The following UBE2V1 variants were observed in gnomAD, a reference collection of about 807,000 sequenced individuals.
The protein encoded by UBE2V1 is ubiquitin conjugating enzyme E2 V1.
A neutral mutation model predicts 19.6 loss-of-function variants in UBE2V1; 15 were observed. That is an observed-to-expected ratio of 0.77 (90% CI 0.51 to 1.18). UBE2V1 has a LOEUF of 1.18. UBE2V1 is among the 50% of genes most tolerant of loss of function. UBE2V1 has a pLI of 0.00. For synonymous variants in UBE2V1, 60 were observed against 60.7 expected (o/e 0.99, Z 0.05); for missense variants, 125 against 184.8 (o/e 0.68, Z 1.88).
chr20:50,105,363 T>G (rs1274517384), intron 1 of UBE2V1, among the ~76,000 whole-genome samples: 1 of 152,216 alleles, frequency 6.6e-6, no homozygotes, highest in African/African-American at 2.4e-5. Context: ...GATGTATCAG[T>G]GACAAGCGAA....
chr20:50,083,051 A>C, intron 3 of UBE2V1, 137 bp from the exon 4 acceptor site: 1 of 1,375,478 alleles, frequency 7.3e-7, no homozygotes, highest in Non-Finnish European at 9.7e-7. Flanking sequence ...AATACCTTAC[A>C]TGCGGAATAC....
rs748307566 is a variant in UBE2V1 at position 50,113,150 on chromosome 20, G to A, written c.-22C>T. The A allele has an allele frequency of 1.5e-6, 2 of 1,334,094 alleles. No homozygotes were observed. Among genetic ancestry groups the A allele is most frequent in the Non-Finnish European group, 9.7e-7 (1 of 1,029,180 alleles). The allele number at this position is 1,334,094 out of a possible 1,614,324, so 82.6% of individuals were successfully genotyped here. A position where few individuals can be genotyped will look rare whatever the true frequency, so the allele number is the denominator to read the frequency against. On this transcript the variant is annotated 5_prime_UTR_variant, in exon 1 of 4. Coordinates refer to ENST00000371674, the MANE Select transcript of UBE2V1 (RefSeq NM_001032288.3). ...CCATCTTGCGTCGCTCTTGCTTGAA[G>A]GCCGGCCCCTTCTTCACCCCCCCCT...
intron 1 of UBE2V1, among the ~76,000 whole-genome samples, chr20:50,109,491 C>T (rs1179682126): frequency 6.6e-6 from 1 of 152,126 alleles, no homozygotes; most frequent in Non-Finnish European, 1.5e-5. Context: ...TGACTTACGC[C>T]TGTAATCCCA....
At chr20:50,084,753 A>T (rs1383686212) in intron 2 of UBE2V1, 1 of 360,026 alleles carries the variant, frequency 2.8e-6, no homozygotes, top group East Asian at 7.4e-5. Flanking sequence ...CTTCTCCATC[A>T]CTCCGGGGTT....
intron 2 of UBE2V1, 193 bp from the exon 3 acceptor site, chr20:50,084,447 G>A: frequency 1.0e-6 from 1 of 990,288 alleles, no homozygotes; most frequent in Non-Finnish European, 1.5e-6. Context: ...CCGGGCCTTG[G>A]GGGAATACAA....
In UBE2V1 at chr20:50,098,130, G is replaced by T. The variant is rs138505505; in HGVS notation, c.23-1310C>A. On this transcript the variant is annotated intron_variant, in intron 1 of 3. Transcript: ENST00000371674. ...TTAAATGGAGGGATAAAGGAAAAGT[G>T]TTATTGCAATCAGGTGTCATAACTA... 2.7e-3 allele frequency among the ~76,000 whole-genome samples: 411 copies of T among 152,280 alleles called. 6 individuals are homozygous for T. Among genetic ancestry groups the T allele is most frequent in the African/African-American group, 8.8e-3 (366 of 41,540 alleles).
At chr20:50,101,125 G>A (rs1429424787) in intron 1 of UBE2V1, among the ~76,000 whole-genome samples, 1 of 152,200 alleles carries the variant, frequency 6.6e-6, no homozygotes, top group Non-Finnish European at 1.5e-5. Flanking sequence ...AACAGGAATT[G>A]AGACCCACAG....
At chr20:50,097,567 A>G (rs2079707231) in intron 1 of UBE2V1, among the ~76,000 whole-genome samples, 1 of 152,142 alleles carries the variant, frequency 6.6e-6, no homozygotes, top group Non-Finnish European at 1.5e-5. Flanking sequence ...GGGGCCAGAC[A>G]AGGGAGGGGG....
At chr20:50,087,320 T>C (rs897420676) in intron 2 of UBE2V1, among the ~76,000 whole-genome samples, 3 of 138,796 alleles carry the variant, frequency 2.2e-5, no homozygotes, top group African/African-American at 5.5e-5. Flanking sequence ...TGCTTAAACC[T>C]GGGAGGTGGA....
At chr20:50,084,043 A>C (rs1013660051) in intron 3 of UBE2V1, 86 bp downstream of exon 3, 206 of 1,425,810 alleles carry the variant, frequency 1.4e-4, no homozygotes, top group Middle Eastern at 5.4e-4. Flanking sequence ...GAACCTAGGA[A>C]TTGGGCCCAG....
intron 1 of UBE2V1, among the ~76,000 whole-genome samples, chr20:50,110,174 G>A (rs1193950670): frequency 5.9e-5 from 9 of 152,254 alleles, no homozygotes; most frequent in Non-Finnish European, 1.0e-4. Context: ...TGCTGAGTGA[G>A]AGGAAGGGCC....
intron 2 of UBE2V1, among the ~76,000 whole-genome samples, chr20:50,087,393 CAAAA>C (rs10716682): frequency 3.0e-5 from 3 of 101,390 alleles, no homozygotes; most frequent in Admixed American, 1.1e-4. Flanking sequence ...GACACTTTGT[CAAAA>C]AAAAAAAAAA....
At chr20:50,091,409 G>GTT (rs1568981475) in intron 2 of UBE2V1, among the ~76,000 whole-genome samples, 3 of 128,250 alleles carry the variant, frequency 2.3e-5, no homozygotes, top group African/African-American at 1.0e-4. Context: ...ATAACTTAAG[G>GTT]CTTTTTTTTT....
At chr20:50,094,713 A>T (rs1444485890) in intron 2 of UBE2V1, among the ~76,000 whole-genome samples, 2 of 142,062 alleles carry the variant, frequency 1.4e-5, no homozygotes, top group Non-Finnish European at 3.1e-5. Context: ...ATGATTGTCA[A>T]AGATGGGAAA....
chr20:50,112,202 C>T (rs1188666942), intron 1 of UBE2V1, among the ~76,000 whole-genome samples: 1 of 152,196 alleles, frequency 6.6e-6, no homozygotes. Context: ...CGGAACCCGA[C>T]CTTTTCCACT....
At chr20:50,111,514 G>C in intron 1 of UBE2V1, 3 of 1,000,328 alleles carry the variant, frequency 3.0e-6, no homozygotes, top group Non-Finnish European at 3.6e-6. Context: ...TCTTCTGGGA[G>C]TGCCTGGGGC....
intron 1 of UBE2V1, chr20:50,111,578 A>G: frequency 1.0e-6 from 1 of 1,000,278 alleles, no homozygotes; most frequent in Non-Finnish European, 1.2e-6. Flanking sequence ...ACCAAAATCG[A>G]GTAAAAGGAT....
chr20:50,113,100 C>G lies in UBE2V1; in HGVS notation c.22+7G>C, dbSNP rs1348884905. ...CTCGGCCGGCCGGGCCCGGCGCCCC[C>G]GCTCACCCGAGCCCGTGGTGGCTGC... On this transcript the variant is annotated splice_region_variant and intron_variant, in intron 1 of 3. Transcript: ENST00000371674. 6.8e-6 allele frequency: 9 copies of G among 1,316,470 alleles called. No homozygotes were observed. Among genetic ancestry groups the G allele is most frequent in the Non-Finnish European group, 6.9e-6 (7 of 1,008,284 alleles). 81.5% of individuals were successfully genotyped at this position (1,316,470 alleles called of 1,614,324 possible). A position where few individuals can be genotyped will look rare whatever the true frequency, so the allele number is the denominator to read the frequency against.
At chr20:50,113,208 C>A (rs866808532), upstream of UBE2V1, 1 of 1,173,634 alleles carries the variant, frequency 8.5e-7, no homozygotes, top group Non-Finnish European at 1.1e-6. Flanking sequence ...CGCAGGCGCG[C>A]GCGCACGCAC....
Sources: allele counts gnomAD v4.1 joint callset (sites outside exome capture counted in the v4.1 genomes callset), GRCh38; gene constraint gnomAD v4.1.1; transcripts MANE v1.5; gene names NCBI Gene and HGNC (gene_info 2026-07-23, HGNC 2026-07-21).